The following CALCRL variants were observed in gnomAD, a reference collection of about 807,000 sequenced individuals.
The protein encoded by CALCRL is calcitonin gene-related peptide type 1 receptor.
Under a neutral mutation model 60.4 loss-of-function variants are expected in CALCRL, and 27 were observed. That is an observed-to-expected ratio of 0.45 (90% confidence interval 0.33 to 0.62). CALCRL has a LOEUF of 0.62. Ranked by LOEUF, CALCRL falls within the 20% of genes least tolerant of loss-of-function variation. The probability of loss-of-function intolerance (pLI) is 0.03; values close to 1 mark genes in which losing one functional copy is unlikely to be tolerated. For missense variants in CALCRL, 424 were observed against 540.7 expected (o/e 0.78, Z 2.14); for synonymous variants, 190 against 182.6 (o/e 1.04, Z -0.33).
chr2:187,429,229 T>C (rs1690294148), intron 1 of CALCRL, among the ~76,000 whole-genome samples: 1 of 151,886 alleles, frequency 6.6e-6, no homozygotes, highest in African/African-American at 2.4e-5. Context: ...TGGTCAGCTG[T>C]ATGATTACAT....
At chr2:187,388,555 G>C (rs1233156015) in intron 1 of CALCRL, among the ~76,000 whole-genome samples, 1 of 151,964 alleles carries the variant, frequency 6.6e-6, no homozygotes, top group Non-Finnish European at 1.5e-5. Context: ...ATATTGTGGA[G>C]CCCTGAAAGT....
chr2:187,427,545 A>AGTTTATGC (rs1690198878), intron 1 of CALCRL, among the ~76,000 whole-genome samples: 1 of 152,148 alleles, frequency 6.6e-6, no homozygotes, highest in South Asian at 2.1e-4. Flanking sequence ...TTTCTACTAA[A>AGTTTATGC]TTTCAATGGC....
chr2:187,382,916 C>T (rs1486572380), intron 5 of CALCRL, among the ~76,000 whole-genome samples: 1 of 151,816 alleles, frequency 6.6e-6, no homozygotes, highest in Non-Finnish European at 1.5e-5. Context: ...AATATTAATA[C>T]TTATTTGATT....
chr2:187,413,798 AGT>A lies in CALCRL; in HGVS notation c.-292-26044_-292-26043del, dbSNP rs3836096. 4.5e-4 allele frequency among the ~76,000 whole-genome samples: 69 copies of A among 152,248 alleles called. No individual in the cohort carries two copies. The East Asian group carries it at 0.012, about 27-fold the overall frequency. ...TTGGTCACATTTACATCTTAAGGGA[AGT>A]GAGAGTTATTTGGCATTTGCAAAGA... is the stretch of plus-strand genomic sequence containing the variant. On this transcript the variant is annotated intron_variant, in intron 1 of 14. Coordinates refer to ENST00000392370, the MANE Select transcript of CALCRL (RefSeq NM_005795.6).
intron 1 of CALCRL, among the ~76,000 whole-genome samples, chr2:187,406,294 T>C (rs1689122960): frequency 6.6e-6 from 1 of 152,040 alleles, no homozygotes; most frequent in Non-Finnish European, 1.5e-5. Flanking sequence ...TTGGCTGTAA[T>C]ATTGCATATA....
At chr2:187,382,088 C>G (rs1688007553) in intron 5 of CALCRL, among the ~76,000 whole-genome samples, 1 of 152,084 alleles carries the variant, frequency 6.6e-6, no homozygotes, top group African/African-American at 2.4e-5. Flanking sequence ...ATGTCCATAT[C>G]ACAGCTCCAA....
intron 3 of CALCRL, among the ~76,000 whole-genome samples, chr2:187,385,912 G>A (rs900853201): frequency 2.6e-5 from 4 of 151,982 alleles, no homozygotes; most frequent in African/African-American, 9.7e-5. Context: ...ACCACACCCA[G>A]CTAATTTTTG....
At position 187,342,991 on chromosome 2, in the gene CALCRL, G is replaced by C. The variant is rs1686146964; in HGVS notation, c.*3193C>G. 6.6e-6 allele frequency: 1 copy of C among 151,414 alleles called. No individual in the cohort carries two copies. Among genetic ancestry groups the C allele is most frequent in the Admixed American group, 6.6e-5 (1 of 15,178 alleles). The allele number at this position is 151,414 out of a possible 1,614,324, so 9.4% of individuals were successfully genotyped here. ...CAAAACTACAAAATGAAATATAGTA[G>C]ATAAAGGAGATGAATTTCTGAACAT... On this transcript the variant is annotated 3_prime_UTR_variant, in exon 15 of 15. Coordinates refer to ENST00000392370, the MANE Select transcript of CALCRL (RefSeq NM_005795.6).
intron 1 of CALCRL, among the ~76,000 whole-genome samples, chr2:187,426,598 A>G (rs1011279600): frequency 1.3e-5 from 2 of 152,076 alleles, no homozygotes; most frequent in Non-Finnish European, 2.9e-5. Context: ...CCAGGTCTGG[A>G]AACACAAACG....
chr2:187,417,016 T>C (rs1305419859), intron 1 of CALCRL, among the ~76,000 whole-genome samples: 1 of 152,082 alleles, frequency 6.6e-6, no homozygotes, highest in African/African-American at 2.4e-5. Context: ...AAAGGGATTT[T>C]TAGTAAATAT....
At chr2:187,420,135 G>A (rs1407567462) in intron 1 of CALCRL, among the ~76,000 whole-genome samples, 1 of 152,164 alleles carries the variant, frequency 6.6e-6, no homozygotes, top group African/African-American at 2.4e-5. Flanking sequence ...TTTTCATGTA[G>A]TGCTTGAAGT....
chr2:187,416,882 T>C (rs1327625820), intron 1 of CALCRL, among the ~76,000 whole-genome samples: 1 of 152,074 alleles, frequency 6.6e-6, no homozygotes, highest in Non-Finnish European at 1.5e-5. Context: ...CTATAGCAAT[T>C]AAATATAATG....
intron 1 of CALCRL, among the ~76,000 whole-genome samples, chr2:187,393,054 A>G (rs1688515310): frequency 1.3e-5 from 2 of 152,088 alleles, no homozygotes; most frequent in African/African-American, 4.8e-5. Flanking sequence ...CCTCTTTAGG[A>G]TGTCATTTGA....
chr2:187,404,213 C>T (rs1689017565), intron 1 of CALCRL, among the ~76,000 whole-genome samples: 1 of 151,720 alleles, frequency 6.6e-6, no homozygotes, highest in Non-Finnish European at 1.5e-5. Flanking sequence ...ACAACAACAG[C>T]GAAACATTTT....
At chr2:187,372,510 A>G (rs943261802) in intron 8 of CALCRL, among the ~76,000 whole-genome samples, 4 of 151,960 alleles carry the variant, frequency 2.6e-5, no homozygotes, top group African/African-American at 9.7e-5. Context: ...AAACTGAAGT[A>G]TATCTGGTGA....
intron 12 of CALCRL, among the ~76,000 whole-genome samples, chr2:187,354,150 G>A (rs998253681): frequency 4.6e-5 from 7 of 151,882 alleles, no homozygotes; most frequent in Admixed American, 1.3e-4. Context: ...ACCCACCCTT[G>A]AGCAAAACTA....
chr2:187,371,419 G>T (rs1377660663), intron 8 of CALCRL, among the ~76,000 whole-genome samples: 1 of 151,936 alleles, frequency 6.6e-6, no homozygotes, highest in Admixed American at 6.6e-5. Flanking sequence ...GCTGTTCAGG[G>T]AATACTAGAT....
chr2:187,376,689 C>G (rs189736403), intron 8 of CALCRL, among the ~76,000 whole-genome samples: 4 of 152,198 alleles, frequency 2.6e-5, no homozygotes, highest in African/African-American at 9.6e-5. Flanking sequence ...CAGGACTTTA[C>G]TTATCTTTAC....
intron 14 of CALCRL, among the ~76,000 whole-genome samples, chr2:187,349,582 TG>T (rs1312693915): frequency 6.6e-6 from 1 of 151,658 alleles, no homozygotes; most frequent in Non-Finnish European, 1.5e-5. Flanking sequence ...AAACAGGGAT[TG>T]TATCTCCAGA....
Sources: allele counts gnomAD v4.1 joint callset (sites outside exome capture counted in the v4.1 genomes callset), GRCh38; gene constraint gnomAD v4.1.1; transcripts MANE v1.5; gene names NCBI Gene and HGNC (gene_info 2026-07-23, HGNC 2026-07-21).